NR1D1: variants seen among roughly 807,000 people sequenced by gnomAD.
NR1D1 encodes nuclear receptor subfamily 1 group D member 1, also known as Rev-ErbAalpha.
Under a neutral mutation model 51.1 loss-of-function variants are expected in NR1D1, and 17 were observed. That is an observed-to-expected ratio of 0.33 (90% CI 0.23 to 0.50). NR1D1 has a LOEUF of 0.50. NR1D1 is among the 20% of genes least tolerant of loss of function. The pLI is 0.98. For missense variants in NR1D1, 647 were observed against 830.4 expected (o/e 0.78, Z 2.71); for synonymous variants, 341 against 333.4 (o/e 1.02, Z -0.25).
intron 1 of NR1D1, among the ~76,000 whole-genome samples, chr17:40,097,608 G>A (rs1987791177): frequency 6.6e-6 from 1 of 152,148 alleles, no homozygotes; most frequent in Non-Finnish European, 1.5e-5. Flanking sequence ...CCCTTTGCAG[G>A]CCACCTTCAG....
rs995519266 is a variant in NR1D1 at position 40,095,245 on chromosome 17, C to G, written c.1249-125G>C. The G allele has an allele frequency of 4.3e-6, 5 of 1,174,468 alleles. No homozygotes were observed. The African/African-American group carries it at 7.7e-5, about 18-fold the overall frequency. The allele number at this position is 1,174,468 out of a possible 1,614,324, so 72.8% of individuals were successfully genotyped here. ...CTGTGGCCCTGAAGGATGGGTCTTT[C>G]AGATAAAGTAGCAATTAGGTGCCAG... is the stretch of plus-strand genomic sequence containing the variant. On this transcript the variant is annotated intron_variant, in intron 5 of 7. Transcript: ENST00000246672.
At chr17:40,094,759 G>A (rs1017838832) in intron 6 of NR1D1, among the ~76,000 whole-genome samples, 176 bp downstream of exon 6, 1 of 152,228 alleles carries the variant, frequency 6.6e-6, no homozygotes, top group African/African-American at 2.4e-5. Context: ...TTAGCCAAGC[G>A]TGGTGGCGGG....
Position 40,093,507 on chromosome 17 carries a change from C to T in NR1D1, c.1646-225G>A. On this transcript the variant is annotated intron_variant, in intron 7 of 7. Transcript: ENST00000246672. This position sits in a 1 kb window ranked among gnomAD's most constrained non-coding sequence, Gnocchi z 5.9. ...CTCAGCAGGGCTGGTCACCTCCCAT[C>T]CCGTAAGACCACCTTCCCTTCCTCA... 2.2e-6 allele frequency: 3 copies of T among 1,393,850 alleles called. No homozygotes were observed. The highest frequency in any genetic ancestry group is 1.9e-6 in the Non-Finnish European group (2 of 1,048,944). 86.3% of individuals were successfully genotyped at this position (1,393,850 alleles called of 1,614,324 possible). A position where few individuals can be genotyped will look rare whatever the true frequency, so the allele number is the denominator to read the frequency against.
In NR1D1 at chr17:40,092,908, G is replaced by A; in HGVS notation, c.*175C>T. The stretch of plus-strand genomic sequence containing the variant: ...GGAGGAGGGGAAGTTCGGTGATGGG[G>A]GAGGGAGGCAGGTATTTACAAGAAG... On this transcript the variant is annotated 3_prime_UTR_variant, in exon 8 of 8. Coordinates refer to ENST00000246672, the MANE Select transcript of NR1D1 (RefSeq NM_021724.5). The A allele has an allele frequency of 6.9e-7, 1 of 1,441,976 alleles. No homozygotes were observed. The highest frequency in any genetic ancestry group is 9.3e-7 in the Non-Finnish European group (1 of 1,080,360). 89.3% of individuals were successfully genotyped at this position (1,441,976 alleles called of 1,614,324 possible).
intron 6 of NR1D1, 103 bp from the exon 7 acceptor site, chr17:40,094,225 C>G: frequency 9.9e-7 from 1 of 1,014,706 alleles, no homozygotes; most frequent in Non-Finnish European, 1.5e-6. Context: ...CCTTCGATTT[C>G]TCAGTAGAGT....
intron 5 of NR1D1, 57 bp from the exon 6 acceptor site, chr17:40,095,177 G>A (rs565438579): frequency 1.0e-5 from 16 of 1,529,124 alleles, no homozygotes; most frequent in East Asian, 9.2e-5. Flanking sequence ...TCAGATGGAC[G>A]CCCCGAGCAG....
intron 1 of NR1D1, 84 bp from the exon 2 acceptor site, chr17:40,097,487 GC>G: frequency 9.1e-7 from 1 of 1,102,726 alleles, no homozygotes. Context: ...CCACCTGTCT[GC>G]CCAAAACATT....
chr17:40,097,098 C>G lies in NR1D1; in HGVS notation c.337G>C (p.Val113Leu). The G allele has an allele frequency of 6.2e-7, 1 of 1,606,144 alleles. No individual in the cohort carries two copies. The highest frequency in any genetic ancestry group is 1.1e-5 in the South Asian group (1 of 90,012). ...TTGCTGGTGCTCTTGCTGGGGGACA[C>G]TCGGCTGCTGTCCTCCATGGCCACT... Reference protein sequence around the residue: ...LQVAMEDSSRVSPSKSTSNIT... With the variant: ...LQVAMEDSSRLSPSKSTSNIT... The change falls in exon 2 of 8, where the codon GTG (valine) becomes CTG (leucine). Residue 113 changes from valine (V) to leucine (L), a missense_variant. By Grantham distance (32) the Val-to-Leu change is conservative. Coordinates refer to ENST00000246672, the MANE Select transcript of NR1D1 (RefSeq NM_021724.5).
intron 5 of NR1D1, 81 bp from the exon 6 acceptor site, chr17:40,095,201 A>T: frequency 7.1e-7 from 1 of 1,408,274 alleles, no homozygotes; most frequent in Non-Finnish European, 9.7e-7. Flanking sequence ...TGGACCCCAG[A>T]TTCTGCCTGG....
At position 40,093,724 on chromosome 17, in the gene NR1D1, G is replaced by A; in HGVS notation, c.1645+188C>T. On this transcript the variant is annotated intron_variant, in intron 7 of 7. Transcript: ENST00000246672. This position sits in a 1 kb window ranked among gnomAD's most constrained non-coding sequence, Gnocchi z 5.9. ...CTTCCTTGGTTCATGCTTCTACTGT[G>A]ACACTTATCTCACTGTTTTATAATT... is the stretch of plus-strand genomic sequence containing the variant. The A allele has an allele frequency of 1.6e-6, 1 of 641,866 alleles. No homozygotes were observed. The highest frequency in any genetic ancestry group is 2.7e-6 in the Non-Finnish European group (1 of 373,430). The allele number at this position is 641,866 out of a possible 1,614,324, so 39.8% of individuals were successfully genotyped here. A position where few individuals can be genotyped will look rare whatever the true frequency, so the allele number is the denominator to read the frequency against.
chr17:40,094,800 A>C, intron 6 of NR1D1, 135 bp downstream of exon 6: 1 of 741,382 alleles, frequency 1.3e-6, no homozygotes, highest in Non-Finnish European at 2.2e-6. Context: ...TGGAAGGCTG[A>C]GGTAGGAGAA....
intron 4 of NR1D1, 89 bp from the exon 5 acceptor site, chr17:40,096,176 G>A (rs924764945): frequency 2.6e-6 from 4 of 1,521,822 alleles, no homozygotes; most frequent in Non-Finnish European, 2.7e-6. Context: ...GCAAGGCCCT[G>A]AAGGCTTGGG....
rs1987779241 is a variant in NR1D1 at position 40,097,123 on chromosome 17, T to C, written c.312A>G (p.Gln104=). 2 of 1,610,540 alleles carry C rather than the reference T, an allele frequency of 1.2e-6. No individual in the cohort carries two copies. The highest frequency in any genetic ancestry group is 1.7e-6 in the Non-Finnish European group (2 of 1,178,116). ...CTCGGCTGCTGTCCTCCATGGCCACTTGTAGACTCCCAGGGGGGCTCCCAT... is the reference window on the plus strand; with the variant it reads ...CTCGGCTGCTGTCCTCCATGGCCACCTGTAGACTCCCAGGGGGGCTCCCAT... ...FYNGSPPGSL[Q]VAMEDSSRVS... is the part of the protein sequence containing the mutation. The change falls in exon 2 of 8, where the codon CAA becomes CAG. Residue 104 remains glutamine, a synonymous_variant. Transcript: ENST00000246672.
chr17:40,100,545 A>G lies in NR1D1; in HGVS notation c.-451T>C. 1 of 446,494 alleles carries G rather than the reference A, an allele frequency of 2.2e-6. No homozygotes were observed. The highest frequency in any genetic ancestry group is 4.0e-6 in the Non-Finnish European group (1 of 252,462). The allele number at this position is 446,494 out of a possible 1,614,324, so 27.7% of individuals were successfully genotyped here. A position where few individuals can be genotyped will look rare whatever the true frequency, so the allele number is the denominator to read the frequency against. ...CGGGGCACCGAGTCGCAAAGAGGCGAGACGTGTGCCCTGCTACGTTCCCTC... is the reference window on the plus strand; with the variant it reads ...CGGGGCACCGAGTCGCAAAGAGGCGGGACGTGTGCCCTGCTACGTTCCCTC... On this transcript the variant is annotated 5_prime_UTR_variant, in exon 1 of 8. Coordinates refer to ENST00000246672, the MANE Select transcript of NR1D1 (RefSeq NM_021724.5).
In NR1D1 at chr17:40,095,680, G is replaced by A. The variant is rs143682026; in HGVS notation, c.1012C>T (p.Pro338Ser). 11,597 of 1,612,516 alleles carry A rather than the reference G, an allele frequency of 7.2e-3. 48 individuals carry two copies. The highest frequency in any genetic ancestry group is 9.0e-3 in the Non-Finnish European group (10,585 of 1,178,858). Reference sequence around the variant, plus strand: ...AAGGTGTTGTTGTCATTGGGGGCAGGTGGGCAGCCCTGATTTTCCCAGCGA... The same window carrying A: ...AAGGTGTTGTTGTCATTGGGGGCAGATGGGCAGCCCTGATTTTCCCAGCGA... ...PHRWENQGCP[P>S]APNDNNTLAA... Residue 338 changes from proline to serine, a missense_variant, in exon 5 of 8, where the codon CCT becomes TCT. Coordinates refer to ENST00000246672, the MANE Select transcript of NR1D1 (RefSeq NM_021724.5).
chr17:40,095,403 C>T (rs1987732621), intron 5 of NR1D1, 41 bp downstream of exon 5: 6 of 1,510,832 alleles, frequency 4.0e-6, no homozygotes, highest in Non-Finnish European at 4.4e-6. Flanking sequence ...GCCAGGCCCC[C>T]CCAATCTTCT....
At position 40,095,958 on chromosome 17, in the gene NR1D1, G is replaced by A. The variant is rs750478064; in HGVS notation, c.734C>T (p.Pro245Leu). ...CPLETSPTQH[P>L]TPGPMGPSPP... ...CGAGGGGCCCATGGGGCCTGGGGTG[G>A]GGTGCTGGGTGGGTGAAGTCTCCAG... is the stretch of plus-strand genomic sequence containing the variant. Residue 245 changes from proline (P) to leucine (L), a missense_variant, in exon 5 of 8, where the codon CCC becomes CTC. Pro to Leu is a moderately conservative substitution (Grantham distance 98). Transcript: ENST00000246672. 5 of 1,611,912 alleles carry A rather than the reference G, an allele frequency of 3.1e-6. No individual in the cohort carries two copies. The East Asian group carries it at 8.9e-5, about 29-fold the overall frequency.
Position 40,093,431 on chromosome 17 carries a change from C to T in NR1D1, c.1646-149G>A. ...AAGGAGAAGGAGTGCCATACCTTCT[C>T]CCAGGCCTCTGCCCCAAGAGCAGGA... On this transcript the variant is annotated intron_variant, in intron 7 of 7. Coordinates refer to ENST00000246672, the MANE Select transcript of NR1D1 (RefSeq NM_021724.5). This position sits in a 1 kb window ranked among gnomAD's most constrained non-coding sequence, Gnocchi z 5.9. 1 of 1,562,128 alleles carries T rather than the reference C, an allele frequency of 6.4e-7. No individual in the cohort carries two copies. Among genetic ancestry groups the T allele is most frequent in the South Asian group, 1.2e-5 (1 of 84,506 alleles).
chr17:40,092,806 A>C lies in NR1D1; in HGVS notation c.*277T>G. On this transcript the variant is annotated 3_prime_UTR_variant, in exon 8 of 8. Transcript: ENST00000246672. The stretch of plus-strand genomic sequence containing the variant: ...ACAGAAGCCAGCTCAGCTGTGAACT[A>C]TTGGATTTGAGACAGGAACAGAACA... 1.5e-6 allele frequency: 1 copy of C among 662,162 alleles called. No individual in the cohort carries two copies. 41.0% of individuals were successfully genotyped at this position (662,162 alleles called of 1,614,324 possible).
Sources: gnomAD v4.1 joint callset for allele counts (sites outside exome capture counted in the v4.1 genomes callset) on GRCh38, gnomAD v4.1.1 for gene constraint, Gnocchi (gnomAD v3.1) non-coding constraint, MANE v1.5 for transcripts, NCBI Gene and HGNC (gene_info 2026-07-23, HGNC 2026-07-21) for gene names.